Variants in ALMS1 observed in about 807,000 individuals in gnomAD.
ALMS1 encodes ALMS1 centrosome and basal body associated protein.
In ALMS1, 271 loss-of-function variants were observed where a neutral mutation model predicts 352.2. That is an observed-to-expected ratio of 0.77 (90% CI 0.70 to 0.85). The LOEUF is 0.85. ALMS1 is among the 40% of genes least tolerant of loss of function. The pLI, the probability that ALMS1 is intolerant of heterozygous loss-of-function variation, is 0.00. For missense variants in ALMS1, 5,445 were observed against 4,870.7 expected (o/e 1.12, Z -3.51); for synonymous variants, 1,865 against 1,761.2 (o/e 1.06, Z -1.48).
At chr2:73,592,258 A>G (rs768815781) in intron 16 of ALMS1, among the ~76,000 whole-genome samples, 6 of 152,210 alleles carry the variant, frequency 3.9e-5, no homozygotes, top group Non-Finnish European at 8.8e-5. Flanking sequence ...AACTAGTTCT[A>G]ATTTCCAAAA....
chr2:73,444,347 G>T (rs1671769174), intron 7 of ALMS1, among the ~76,000 whole-genome samples: 2 of 150,228 alleles, frequency 1.3e-5, no homozygotes, highest in South Asian at 2.1e-4. Flanking sequence ...CTTTCCCAGG[G>T]TTATTCTGTT....
chr2:73,570,309 A>G (rs1674898976), intron 15 of ALMS1, among the ~76,000 whole-genome samples: 1 of 152,208 alleles, frequency 6.6e-6, no homozygotes, highest in African/African-American at 2.4e-5. Context: ...AAATTTGAAA[A>G]TAAGTAACAG....
chr2:73,565,225 C>T (rs1443850464), intron 15 of ALMS1, among the ~76,000 whole-genome samples: 1 of 151,814 alleles, frequency 6.6e-6, no homozygotes, highest in African/African-American at 2.4e-5. Context: ...CAGACTGGGA[C>T]AGGAGATATA....
chr2:73,454,138 T>A, intron 8 of ALMS1, 71 bp downstream of exon 8: 1 of 1,543,396 alleles, frequency 6.5e-7, no homozygotes. Context: ...ATTTATGTTT[T>A]GAGGAAGCTT....
chr2:73,393,209 C>G (rs971361472), intron 1 of ALMS1, among the ~76,000 whole-genome samples: 3 of 152,084 alleles, frequency 2.0e-5, no homozygotes, highest in Non-Finnish European at 2.9e-5. Flanking sequence ...CCTTATCAAT[C>G]AAGGGATTGA....
Position 73,448,826 on chromosome 2 carries a change from A to C in ALMS1, c.2299A>C (p.Arg767=). 6.2e-7 allele frequency: 1 copy of C among 1,613,972 alleles called. No individual in the cohort carries two copies. Among genetic ancestry groups the C allele is most frequent in the Non-Finnish European group, 8.5e-7 (1 of 1,179,960 alleles). ...PAVQSSSYSQ[R]EKPSILYPQD... is the part of the protein sequence containing the mutation. ...AGTACAGTCTAGTTCTTACTCACAAAGAGAAAAGCCTAGTATTTTGTACCC... is the reference window on the plus strand; with the variant it reads ...AGTACAGTCTAGTTCTTACTCACAACGAGAAAAGCCTAGTATTTTGTACCC... The change falls in exon 8 of 23, where the codon AGA becomes CGA. Residue 767 remains arginine, a synonymous_variant. Transcript: ENST00000613296.
At chr2:73,494,151 C>T (rs1673055238) in intron 10 of ALMS1, among the ~76,000 whole-genome samples, 1 of 152,132 alleles carries the variant, frequency 6.6e-6, no homozygotes, top group Non-Finnish European at 1.5e-5. Flanking sequence ...AGTGAGAGGG[C>T]AAGAGAGGGT....
Position 73,450,994 on chromosome 2 carries a change from C to A in ALMS1, c.4467C>A (p.Ala1489=), listed in dbSNP as rs1671925232. 1 of 1,613,784 alleles carries A rather than the reference C, an allele frequency of 6.2e-7. No homozygotes were observed. The highest frequency in any genetic ancestry group is 1.3e-5 in the African/African-American group (1 of 74,854). The change falls in exon 8 of 23, where the codon GCC becomes GCA. Residue 1489 remains alanine, a synonymous_variant. Coordinates refer to ENST00000613296, the MANE Select transcript of ALMS1 (RefSeq NM_001378454.1). ...GEKPIVIYKQ[A]FPEGHLPEES... ...AGCCCATTGTTATCTACAAACAGGC[C>A]TTTCCAGAGGGTCATCTACCTGAAG...
At chr2:73,571,173 A>G (rs555776038) in intron 15 of ALMS1, among the ~76,000 whole-genome samples, 1 of 152,306 alleles carries the variant, frequency 6.6e-6, no homozygotes, top group African/African-American at 2.4e-5. Context: ...ACTCTGGGGA[A>G]GTCCGTAGGG....
At position 73,572,996 on chromosome 2, in the gene ALMS1, A is replaced by G. The variant is rs200464290; in HGVS notation, c.11119A>G (p.Asn3707Asp). Residue 3707 changes from asparagine to aspartate, a missense_variant, in exon 16 of 23, where the codon AAT (asparagine) becomes GAT (aspartate). Transcript: ENST00000613296. The part of the protein sequence containing the change: ...VLSHHRAGRS[N>D]QIKIEQIKFD... ...TTCTCATCATCGAGCTGGGAGGTCT[A>G]ATCAAATTAAAATTGAACAGATTAA... is the stretch of plus-strand genomic sequence containing the variant. The G allele has an allele frequency of 3.1e-6, 5 of 1,613,988 alleles. No homozygotes were observed. Among genetic ancestry groups the G allele is most frequent in the Non-Finnish European group, 4.2e-6 (5 of 1,180,016 alleles).
At chr2:73,532,521 TGTG>T (rs899110736) in intron 11 of ALMS1, among the ~76,000 whole-genome samples, 2 of 152,218 alleles carry the variant, frequency 1.3e-5, no homozygotes, top group East Asian at 1.9e-4. Context: ...GCCCCAGGCT[TGTG>T]GTGACTGCTG....
intron 16 of ALMS1, 117 bp from the exon 17 acceptor site, chr2:73,599,284 A>G: frequency 7.4e-7 from 1 of 1,346,734 alleles, no homozygotes; most frequent in Non-Finnish European, 1.0e-6. Context: ...GCTTCCTCCA[A>G]ATGCATCTCA....
At chr2:73,387,816 T>C (rs994616812) in intron 1 of ALMS1, among the ~76,000 whole-genome samples, 1 of 152,152 alleles carries the variant, frequency 6.6e-6, no homozygotes, top group Admixed American at 6.5e-5. Flanking sequence ...AGGAGACCAT[T>C]GCAGCATTGC....
At chr2:73,442,415 T>G (rs1671736887) in intron 7 of ALMS1, among the ~76,000 whole-genome samples, 1 of 152,182 alleles carries the variant, frequency 6.6e-6, no homozygotes, top group Non-Finnish European at 1.5e-5. Context: ...AGTCCCACTT[T>G]CTCTAAGAGG....
intron 9 of ALMS1, among the ~76,000 whole-genome samples, chr2:73,465,108 G>GGTAATTTATAGATTCA (rs1558656569): frequency 6.6e-6 from 1 of 152,102 alleles, no homozygotes; most frequent in African/African-American, 2.4e-5. Flanking sequence ...AGCTACCGGT[G>GGTAATTTATAGATTCA]ACTTTCTTCA....
At chr2:73,441,742 G>A (rs1461659326) in intron 7 of ALMS1, among the ~76,000 whole-genome samples, 2 of 152,084 alleles carry the variant, frequency 1.3e-5, no homozygotes, top group East Asian at 1.9e-4. Flanking sequence ...CAGTCTGGAG[G>A]TCCTTAGCTA....
rs554922275 is a variant in ALMS1, at chr2:73,521,223, TAACA to T, written c.9781+1213_9781+1216del. On this transcript the variant is annotated intron_variant, in intron 11 of 22. Transcript: ENST00000613296. ...TACCTGTTGTTACAGTGGTACAGTATAACAAACAACCTAAAAAATCTCTATGGTT... is the reference window on the plus strand; with the variant it reads ...TACCTGTTGTTACAGTGGTACAGTATAACAACCTAAAAAATCTCTATGGTT... 9.2e-4 allele frequency among the ~76,000 whole-genome samples: 140 copies of T among 152,276 alleles called. 1 individual carries two copies. Among genetic ancestry groups the T allele is most frequent in the South Asian group, 3.5e-3 (17 of 4,824 alleles).
intron 16 of ALMS1, among the ~76,000 whole-genome samples, chr2:73,580,284 T>A (rs1391888318): frequency 1.3e-5 from 2 of 152,186 alleles, no homozygotes; most frequent in African/African-American, 4.8e-5. Context: ...CGTAATTTCA[T>A]TTCACCTATC....
intron 9 of ALMS1, among the ~76,000 whole-genome samples, chr2:73,466,011 A>G (rs1351625245): frequency 2.0e-3 from 1 of 506 alleles, no homozygotes; most frequent in African/African-American, 0.019. Context: ...ATGTGGAGAA[A>G]TAGGAACACT....
Sources: gnomAD v4.1 joint callset for allele counts (sites outside exome capture counted in the v4.1 genomes callset) on GRCh38, gnomAD v4.1.1 for gene constraint, MANE v1.5 for transcripts, NCBI Gene and HGNC (gene_info 2026-07-23, HGNC 2026-07-21) for gene names.